Variants in UMODL1 observed in about 807,000 individuals in gnomAD.
UMODL1 encodes uromodulin like 1.
In UMODL1, 128 loss-of-function variants were observed where a neutral mutation model predicts 136.3. That is an observed-to-expected ratio of 0.94 (90% CI 0.81 to 1.09). The LOEUF (loss-of-function observed/expected upper bound fraction) is 1.09, where lower values mean the gene tolerates loss of function less well. Among genes scored for constraint, UMODL1 ranks in the 50% least tolerant of loss-of-function variants. The pLI is 0.00. For missense variants in UMODL1, 1,766 were observed against 1,725.6 expected (o/e 1.02, Z -0.41); for synonymous variants, 721 against 720.0 (o/e 1.00, Z -0.02).
intron 22 of UMODL1, among the ~76,000 whole-genome samples, chr21:42,141,276 G>A (rs2067277900): frequency 6.6e-6 from 1 of 152,202 alleles, no homozygotes; most frequent in Non-Finnish European, 1.5e-5. Context: ...GCCTGTGGAT[G>A]TGATTCTGCC....
chr21:42,083,933 GGTGTCT>G, intron 2 of UMODL1, 145 bp from the exon 3 acceptor site: 3 of 916,674 alleles, frequency 3.3e-6, no homozygotes, highest in Non-Finnish European at 4.9e-6. Flanking sequence ...CAATGGGGTG[GGTGTCT>G]GCCCAGGCAT....
chr21:42,087,383 C>G (rs2066438439), intron 4 of UMODL1, among the ~76,000 whole-genome samples: 1 of 152,190 alleles, frequency 6.6e-6, no homozygotes, highest in South Asian at 2.1e-4. Context: ...CCCCAAACCT[C>G]CTTTGGAGTT....
At chr21:42,094,036 ATAGT>A in intron 6 of UMODL1, 2 of 432,348 alleles carry the variant, frequency 4.6e-6, no homozygotes, top group Non-Finnish European at 9.3e-6. Flanking sequence ...TATTTTCCAA[ATAGT>A]TATTTTTACC....
At chr21:42,121,016 C>G (rs1014832252) in intron 15 of UMODL1, 71 bp from the exon 16 acceptor site, 1 of 1,549,456 alleles carries the variant, frequency 6.5e-7, no homozygotes, top group Non-Finnish European at 8.7e-7. Context: ...GCACTCTCCC[C>G]CAACCAGGCT....
chr21:42,080,846 A>C (rs1445435634), intron 2 of UMODL1, among the ~76,000 whole-genome samples: 1 of 152,256 alleles, frequency 6.6e-6, no homozygotes, highest in Non-Finnish European at 1.5e-5. Flanking sequence ...ATGCCTGTGA[A>C]CATGACTCCA....
chr21:42,105,129 T>G (rs899786403), intron 9 of UMODL1, among the ~76,000 whole-genome samples: 7 of 152,202 alleles, frequency 4.6e-5, no homozygotes, highest in Non-Finnish European at 1.0e-4. Flanking sequence ...AAGTCATGCC[T>G]GGAAACCTCG....
In UMODL1 at chr21:42,123,983, C is replaced by A. The variant is rs552457438; in HGVS notation, c.3147+833C>A. Among the ~76,000 whole-genome samples the A allele has an allele frequency of 3.3e-5, 5 of 152,304 alleles. No homozygotes were observed. The East Asian group carries it at 9.6e-4, about 29-fold the overall frequency. On this transcript the variant is annotated intron_variant, in intron 17 of 22. Transcript: ENST00000408910. The surrounding 1 kb of genome is among the most constrained non-coding windows in gnomAD (Gnocchi z 4.4). The stretch of plus-strand genomic sequence containing the variant: ...TGAGGCCTTCGCACCTCTGTGTGCA[C>A]AGATGGGCTCTGGCACCTCCCCTTG...
At chr21:42,125,085 C>T (rs2067034326) in intron 17 of UMODL1, among the ~76,000 whole-genome samples, 2 of 152,124 alleles carry the variant, frequency 1.3e-5, no homozygotes, top group African/African-American at 4.8e-5. Context: ...GACAGGGCGG[C>T]CTCTGGCACT....
At chr21:42,121,022 A>G (rs2066963233) in intron 15 of UMODL1, 65 bp from the exon 16 acceptor site, 18 of 1,559,382 alleles carry the variant, frequency 1.2e-5, no homozygotes, top group Non-Finnish European at 1.5e-5. Context: ...TCCCCCAACC[A>G]GGCTGCTGTG....
At chr21:42,111,363 G>T in intron 11 of UMODL1, 143 bp from the exon 12 acceptor site, 2 of 1,611,142 alleles carry the variant, frequency 1.2e-6, no homozygotes, top group African/African-American at 2.7e-5. Flanking sequence ...GAGAGCCCCA[G>T]CCAGGGGAGC....
At position 42,121,115 on chromosome 21, in the gene UMODL1, C is replaced by CGACTGTGT. The variant is rs1348049286; in HGVS notation, c.2720_2727dup (p.Pro910ThrfsTer77). 3 of 1,613,840 alleles carry CGACTGTGT rather than the reference C, an allele frequency of 1.9e-6. No homozygotes were observed. The highest frequency in any genetic ancestry group is 8.5e-7 in the Non-Finnish European group (1 of 1,179,924). ...ACGATGAGTGTGAAAGGAAGGAGGACGACTGTGTGCCGGGGACATCCTGTC... is the reference window on the plus strand; with the variant it reads ...ACGATGAGTGTGAAAGGAAGGAGGACGACTGTGTGACTGTGTGCCGGGGACATCCTGTC... On this transcript the variant is annotated frameshift_variant, in exon 16 of 23. Coordinates refer to ENST00000408910, the MANE Select transcript of UMODL1 (RefSeq NM_001004416.3). LOFTEE classifies it high-confidence loss of function.
In UMODL1 at chr21:42,137,502, T is replaced by C. The variant is rs761040251; in HGVS notation, c.3839T>C (p.Ile1280Thr). 21 of 1,614,248 alleles carry C rather than the reference T, an allele frequency of 1.3e-5. No individual in the cohort carries two copies. The East Asian group carries it at 4.5e-4, about 34-fold the overall frequency. ...AGYVVLIVVA[I>T]FVLVAGTATL... Reference sequence around the variant, plus strand: ...TATGTGGTCCTTATTGTGGTGGCCATCTTCGTGCTGGTGGCGGGAACAGCC... The same window carrying C: ...TATGTGGTCCTTATTGTGGTGGCCACCTTCGTGCTGGTGGCGGGAACAGCC... Residue 1280 changes from isoleucine to threonine, a missense_variant, in exon 22 of 23, where the codon ATC (isoleucine) becomes ACC (threonine). Transcript: ENST00000408910.
At chr21:42,130,223 TG>T (rs905902633) in intron 21 of UMODL1, among the ~76,000 whole-genome samples, 4 of 147,412 alleles carry the variant, frequency 2.7e-5, no homozygotes, top group Non-Finnish European at 4.5e-5. Flanking sequence ...CATGTCAACG[TG>T]TGTGTGTGTG....
intron 5 of UMODL1, among the ~76,000 whole-genome samples, chr21:42,088,725 C>T (rs1006092365): frequency 3.3e-5 from 5 of 151,926 alleles, no homozygotes; most frequent in Non-Finnish European, 7.4e-5. Flanking sequence ...CCCCATTTCC[C>T]GCCCCTCTCC....
At chr21:42,107,180 T>A (rs986423963) in intron 9 of UMODL1, among the ~76,000 whole-genome samples, 1 of 152,190 alleles carries the variant, frequency 6.6e-6, no homozygotes, top group Non-Finnish European at 1.5e-5. Flanking sequence ...TCAGGAGAGA[T>A]TCTCATACAG....
chr21:42,122,694 T>C lies in UMODL1; in HGVS notation c.2828-137T>C, dbSNP rs766772825. ...GTGTGTGTGTGTGCACGTGTGTAGTTGTGGCTGGAACATGCGGTTCCCAGG... is the reference window on the plus strand; with the variant it reads ...GTGTGTGTGTGTGCACGTGTGTAGTCGTGGCTGGAACATGCGGTTCCCAGG... On this transcript the variant is annotated intron_variant, in intron 16 of 22. Transcript: ENST00000408910. This position sits in a 1 kb window ranked among gnomAD's most constrained non-coding sequence, Gnocchi z 4.3. The C allele has an allele frequency of 1.3e-3, 1,017 of 769,652 alleles. 2 individuals carry two copies. The highest frequency in any genetic ancestry group is 1.8e-3 in the Non-Finnish European group (900 of 490,672). 47.7% of individuals were successfully genotyped at this position (769,652 alleles called of 1,614,324 possible).
upstream of UMODL1, among the ~76,000 whole-genome samples, chr21:42,069,530 C>G (rs556929531): frequency 6.6e-6 from 1 of 152,074 alleles, no homozygotes; most frequent in South Asian, 2.1e-4. Flanking sequence ...TGAAGAACTG[C>G]GGCTTGAGGC....
At chr21:42,065,242 C>T (rs1039783066) in intron 1 of UMODL1, among the ~76,000 whole-genome samples, 14 of 152,204 alleles carry the variant, frequency 9.2e-5, no homozygotes, top group African/African-American at 2.9e-4. Context: ...TATTTGGAAC[C>T]CTCCAGCAGA....
chr21:42,103,445 G>T (rs909602227), intron 8 of UMODL1: 3 of 354,518 alleles, frequency 8.5e-6, no homozygotes, highest in Non-Finnish European at 1.1e-5. Flanking sequence ...TTTTGTGTGG[G>T]ATACAGCCTA....
Sources: gnomAD v4.1 joint callset for allele counts (sites outside exome capture counted in the v4.1 genomes callset) on GRCh38, gnomAD v4.1.1 for gene constraint, Gnocchi (gnomAD v3.1) non-coding constraint, MANE v1.5 for transcripts, NCBI Gene and HGNC (gene_info 2026-07-23, HGNC 2026-07-21) for gene names.